The following POLR2I variants were observed in gnomAD, a reference collection of about 807,000 sequenced individuals.
The protein encoded by POLR2I is DNA-directed RNA polymerase II subunit RPB9.
A neutral mutation model predicts 23.0 loss-of-function variants in POLR2I; 15 were observed. That is an observed-to-expected ratio of 0.65 (90% CI 0.44 to 1.00). The LOEUF is 1.00. POLR2I is among the 50% of genes least tolerant of loss of function. The pLI, the probability that POLR2I is intolerant of heterozygous loss-of-function variation, is 0.00. For synonymous variants in POLR2I, 72 were observed against 65.4 expected (o/e 1.10, Z -0.49); for missense variants, 120 against 173.7 (o/e 0.69, Z 1.74).
Position 36,114,140 on chromosome 19 carries a change from C to A in POLR2I, c.263+37G>T. 6.2e-7 allele frequency: 1 copy of A among 1,613,820 alleles called. No homozygotes were observed. The highest frequency in any genetic ancestry group is 1.7e-4 in the Middle Eastern group (1 of 6,060). ...TCCCTTCGCCCAGTGAGGAGACGAG[C>A]CTCACTTTACCTCCCCAGTACCAGC... On this transcript the variant is annotated intron_variant, in intron 4 of 5. Coordinates refer to ENST00000221859, the MANE Select transcript of POLR2I (RefSeq NM_006233.5). This position sits in a 1 kb window ranked among gnomAD's most constrained non-coding sequence, Gnocchi z 4.5.
rs1329991356 is a variant in POLR2I at position 36,114,187 on chromosome 19, G to A, written c.253C>T (p.Pro85Ser). 6.2e-7 allele frequency: 1 copy of A among 1,614,098 alleles called. No homozygotes were observed. The highest frequency in any genetic ancestry group is 8.5e-7 in the Non-Finnish European group (1 of 1,179,998). Residue 85 changes from proline to serine, a missense_variant, in exon 4 of 6, where the codon CCG (proline) becomes TCG (serine). Pro to Ser is a moderately conservative substitution (Grantham distance 74, BLOSUM62 -1). Transcript: ENST00000221859. This position sits in a 1 kb window ranked among gnomAD's most constrained non-coding sequence, Gnocchi z 4.5. ...DPTLPRTEDH[P>S]CQKCGHKEAV... is the part of the protein sequence containing the mutation. ...CAGCTGAACGCTCACTTTTGGCACG[G>A]GTGGTCCTCGGTCCGCGGCAACGTG... is the stretch of plus-strand genomic sequence containing the variant.
intron 5 of POLR2I, 52 bp downstream of exon 5, chr19:36,113,963 C>T: frequency 6.2e-7 from 1 of 1,604,248 alleles, no homozygotes; most frequent in Non-Finnish European, 8.5e-7. Flanking sequence ...TCCCCGCCCC[C>T]AGAAAGGACC....
Position 36,114,566 on chromosome 19 carries a change from A to C in POLR2I, c.114+93T>G, listed in dbSNP as rs1336803104. ...GTCAGGATCACTTGAGGTGCAGCGG[A>C]GGGCGAACAGGGAGTCCGATCACAG... On this transcript the variant is annotated intron_variant, in intron 2 of 5. Coordinates refer to ENST00000221859, the MANE Select transcript of POLR2I (RefSeq NM_006233.5). The surrounding 1 kb of genome is among the most constrained non-coding windows in gnomAD (Gnocchi z 4.5). The C allele has an allele frequency of 1.6e-5, 22 of 1,346,680 alleles. No individual in the cohort carries two copies. Among genetic ancestry groups the C allele is most frequent in the Non-Finnish European group, 1.9e-5 (18 of 950,660 alleles). 83.4% of individuals were successfully genotyped at this position (1,346,680 alleles called of 1,614,324 possible). A position where few individuals can be genotyped will look rare whatever the true frequency, so the allele number is the denominator to read the frequency against.
chr19:36,114,471 G>T lies in POLR2I; in HGVS notation c.115-59C>A, dbSNP rs141686471. On this transcript the variant is annotated intron_variant, in intron 2 of 5. Transcript: ENST00000221859. This position sits in a 1 kb window ranked among gnomAD's most constrained non-coding sequence, Gnocchi z 4.5. Reference sequence around the variant, plus strand: ...ACGGAAGGATTCCAGACAAGATTGGGAGGAGAGGGCAGGGTGATCCCGGAG... The same window carrying T: ...ACGGAAGGATTCCAGACAAGATTGGTAGGAGAGGGCAGGGTGATCCCGGAG... 17 of 1,519,342 alleles carry T rather than the reference G, an allele frequency of 1.1e-5. No individual in the cohort carries two copies. Among genetic ancestry groups the T allele is most frequent in the Non-Finnish European group, 1.4e-5 (15 of 1,094,928 alleles). 94.1% of individuals were successfully genotyped at this position (1,519,342 alleles called of 1,614,324 possible).
At position 36,114,060 on chromosome 19, in the gene POLR2I, G is replaced by A. The variant is rs750447186; in HGVS notation, c.270C>T (p.Gly90=). 4 of 1,613,890 alleles carry A rather than the reference G, an allele frequency of 2.5e-6. No individual in the cohort carries two copies. Among genetic ancestry groups the A allele is most frequent in the African/African-American group, 2.7e-5 (2 of 74,908 alleles). Reference sequence around the variant, plus strand: ...ACTGGAAGAACACAGCCTCCTTGTGGCCGCACCTGAGAGGGTAGGGGCTCG... The same window carrying A: ...ACTGGAAGAACACAGCCTCCTTGTGACCGCACCTGAGAGGGTAGGGGCTCG... ...RTEDHPCQKC[G]HKEAVFFQSH... Residue 90 remains glycine (G), a synonymous_variant, in exon 5 of 6, where the codon GGC becomes GGT. Transcript: ENST00000221859. This position sits in a 1 kb window ranked among gnomAD's most constrained non-coding sequence, Gnocchi z 4.5.
Position 36,113,735 on chromosome 19 carries a change from C to T in POLR2I, c.*20G>A. ...CACGCATGGAATCTGGTGTTTATTA[C>T]ACTCGGGGGAGAGAGGAGGTCACTC... On this transcript the variant is annotated 3_prime_UTR_variant, in exon 6 of 6. Transcript: ENST00000221859. The T allele has an allele frequency of 1.2e-6, 2 of 1,611,986 alleles. No individual in the cohort carries two copies. The highest frequency in any genetic ancestry group is 1.7e-6 in the Non-Finnish European group (2 of 1,179,096).
chr19:36,114,560 C>A lies in POLR2I; in HGVS notation c.114+99G>T. On this transcript the variant is annotated intron_variant, in intron 2 of 5. Transcript: ENST00000221859. This position sits in a 1 kb window ranked among gnomAD's most constrained non-coding sequence, Gnocchi z 4.5. Reference sequence around the variant, plus strand: ...ATGAGAGTCAGGATCACTTGAGGTGCAGCGGAGGGCGAACAGGGAGTCCGA... The same window carrying A: ...ATGAGAGTCAGGATCACTTGAGGTGAAGCGGAGGGCGAACAGGGAGTCCGA... 7.5e-7 allele frequency: 1 copy of A among 1,333,104 alleles called. No homozygotes were observed. The highest frequency in any genetic ancestry group is 1.1e-6 in the Non-Finnish European group (1 of 938,048). 82.6% of individuals were successfully genotyped at this position (1,333,104 alleles called of 1,614,324 possible).
At chr19:36,113,850 T>G (rs1226908102) in intron 5 of POLR2I, 33 bp from the exon 6 acceptor site, 1 of 1,610,510 alleles carries the variant, frequency 6.2e-7, no homozygotes, top group Non-Finnish European at 8.5e-7. Context: ...AGGAAGGATT[T>G]GGACCCAGCA....
Position 36,114,571 on chromosome 19 carries a change from G to A in POLR2I, c.114+88C>T. ...GATCACTTGAGGTGCAGCGGAGGGC[G>A]AACAGGGAGTCCGATCACAGAGGCA... On this transcript the variant is annotated intron_variant, in intron 2 of 5. Coordinates refer to ENST00000221859, the MANE Select transcript of POLR2I (RefSeq NM_006233.5). The surrounding 1 kb of genome is among the most constrained non-coding windows in gnomAD (Gnocchi z 4.5). 1 of 1,382,724 alleles carries A rather than the reference G, an allele frequency of 7.2e-7. No homozygotes were observed. The highest frequency in any genetic ancestry group is 1.0e-6 in the Non-Finnish European group (1 of 983,042). The allele number at this position is 1,382,724 out of a possible 1,614,324, so 85.7% of individuals were successfully genotyped here. A position where few individuals can be genotyped will look rare whatever the true frequency, so the allele number is the denominator to read the frequency against.
Position 36,114,191 on chromosome 19 carries a change from G to A in POLR2I, c.249C>T (p.Asp83=). The A allele has an allele frequency of 6.2e-7, 1 of 1,614,082 alleles. No homozygotes were observed. Among genetic ancestry groups the A allele is most frequent in the South Asian group, 1.1e-5 (1 of 91,074 alleles). Reference sequence around the variant, plus strand: ...TGAACGCTCACTTTTGGCACGGGTGGTCCTCGGTCCGCGGCAACGTGGGGT... The same window carrying A: ...TGAACGCTCACTTTTGGCACGGGTGATCCTCGGTCCGCGGCAACGTGGGGT... ...SQDPTLPRTE[D]HPCQKCGHKE... The change falls in exon 4 of 6, where the codon GAC becomes GAT. Residue 83 remains aspartate, a synonymous_variant. Coordinates refer to ENST00000221859, the MANE Select transcript of POLR2I (RefSeq NM_006233.5). The surrounding 1 kb of genome is among the most constrained non-coding windows in gnomAD (Gnocchi z 4.5).
Position 36,114,365 on chromosome 19 carries a change from A to T in POLR2I, c.162T>A (p.Tyr54Ter), listed in dbSNP as rs751330176. The T allele has an allele frequency of 6.2e-7, 1 of 1,614,096 alleles. No individual in the cohort carries two copies. ...YQQEADNSCI[Y>*]VNKITHEVDE... ...CCACTTCGTGCGTGATCTTGTTGACATAGATGCAGCTGTTGTCGGCCTCCT... is the reference window on the plus strand; with the variant it reads ...CCACTTCGTGCGTGATCTTGTTGACTTAGATGCAGCTGTTGTCGGCCTCCT... Residue 54 changes from tyrosine to a stop codon, truncating the protein, a stop_gained, in exon 3 of 6, where the codon TAT becomes TAA. Transcript: ENST00000221859. LOFTEE classifies it high-confidence loss of function. The surrounding 1 kb of genome is among the most constrained non-coding windows in gnomAD (Gnocchi z 4.5).
At chr19:36,113,923 C>A in intron 5 of POLR2I, 92 bp downstream of exon 5, 3 of 1,578,058 alleles carry the variant, frequency 1.9e-6, no homozygotes, top group Non-Finnish European at 1.7e-6. Context: ...CGGCAGAGTT[C>A]CAAGAAGCGC....
Position 36,114,147 on chromosome 19 carries a change from T to C in POLR2I, c.263+30A>G, listed in dbSNP as rs1211878640. Reference sequence around the variant, plus strand: ...GCCCAGTGAGGAGACGAGCCTCACTTTACCTCCCCAGTACCAGCTGAACGC... The same window carrying C: ...GCCCAGTGAGGAGACGAGCCTCACTCTACCTCCCCAGTACCAGCTGAACGC... On this transcript the variant is annotated intron_variant, in intron 4 of 5. Coordinates refer to ENST00000221859, the MANE Select transcript of POLR2I (RefSeq NM_006233.5). The surrounding 1 kb of genome is among the most constrained non-coding windows in gnomAD (Gnocchi z 4.5). 1.3e-5 allele frequency: 21 copies of C among 1,613,730 alleles called. No individual in the cohort carries two copies. Among genetic ancestry groups the C allele is most frequent in the Non-Finnish European group, 1.6e-5 (19 of 1,179,704 alleles).
At position 36,114,868 on chromosome 19, in the gene POLR2I, G is replaced by A. The variant is rs373082247; in HGVS notation, c.-12C>T. The stretch of plus-strand genomic sequence containing the variant: ...CCGTCGGGCTCCATGGCGACGCGCA[G>A]CCCGCGCAGCCCTCCCAGCCTTCCG... On this transcript the variant is annotated 5_prime_UTR_variant, in exon 1 of 6. Coordinates refer to ENST00000221859, the MANE Select transcript of POLR2I (RefSeq NM_006233.5). This position sits in a 1 kb window ranked among gnomAD's most constrained non-coding sequence, Gnocchi z 4.5. 111 of 1,612,304 alleles carry A rather than the reference G, an allele frequency of 6.9e-5. No homozygotes were observed. Among genetic ancestry groups the A allele is most frequent in the Non-Finnish European group, 8.9e-5 (105 of 1,179,606 alleles).
chr19:36,113,965 G>A (rs769998670), intron 5 of POLR2I, 50 bp downstream of exon 5: 203 of 1,605,144 alleles, frequency 1.3e-4, no homozygotes, highest in Non-Finnish European at 1.7e-4. Flanking sequence ...CCCGCCCCCA[G>A]AAAGGACCAA....
rs1184833474 is a variant in POLR2I, at chr19:36,114,659, C to T, written c.114G>A (p.Ala38=). Residue 38 remains alanine (A), a splice_region_variant and synonymous_variant, in exon 2 of 6, where the codon GCG becomes GCA. Transcript: ENST00000221859. This position sits in a 1 kb window ranked among gnomAD's most constrained non-coding sequence, Gnocchi z 4.5. ...EDKENRILLY[A]CRNCDYQQEA... ...TGCCGGGGAAGACCCCGGCGCTCAC[C>T]GCGTAGAGCAGAATGCGGTTCTCCT... 1.2e-6 allele frequency: 2 copies of T among 1,605,578 alleles called. No homozygotes were observed. Among genetic ancestry groups the T allele is most frequent in the African/African-American group, 1.3e-5 (1 of 74,922 alleles).
In POLR2I at chr19:36,114,504, C is replaced by T. The variant is rs1464615211; in HGVS notation, c.115-92G>A. 2 of 1,364,056 alleles carry T rather than the reference C, an allele frequency of 1.5e-6. No homozygotes were observed. The highest frequency in any genetic ancestry group is 2.8e-5 in the African/African-American group (2 of 70,240). 84.5% of individuals were successfully genotyped at this position (1,364,056 alleles called of 1,614,324 possible). On this transcript the variant is annotated intron_variant, in intron 2 of 5. Transcript: ENST00000221859. The surrounding 1 kb of genome is among the most constrained non-coding windows in gnomAD (Gnocchi z 4.5). ...GGCAGGGTGATCCCGGAGGATATGA[C>T]GACAGGACTCTCTTTGGGGATGGGC...
chr19:36,114,290 A>C lies in POLR2I; in HGVS notation c.189-39T>G, dbSNP rs1944994360. 1 of 1,612,776 alleles carries C rather than the reference A, an allele frequency of 6.2e-7. No individual in the cohort carries two copies. The highest frequency in any genetic ancestry group is 8.5e-7 in the Non-Finnish European group (1 of 1,179,406). On this transcript the variant is annotated intron_variant, in intron 3 of 5. Transcript: ENST00000221859. The surrounding 1 kb of genome is among the most constrained non-coding windows in gnomAD (Gnocchi z 4.5). ...GGGGTGCAAAATTACGCTCAGACCCAGCCTCCAGAGCCAACACCCCCGCCC... is the reference window on the plus strand; with the variant it reads ...GGGGTGCAAAATTACGCTCAGACCCCGCCTCCAGAGCCAACACCCCCGCCC...
chr19:36,114,425 G>T lies in POLR2I; in HGVS notation c.115-13C>A. 1 of 1,612,194 alleles carries T rather than the reference G, an allele frequency of 6.2e-7. No homozygotes were observed. On this transcript the variant is annotated splice_polypyrimidine_tract_variant and intron_variant, in intron 2 of 5. Coordinates refer to ENST00000221859, the MANE Select transcript of POLR2I (RefSeq NM_006233.5). This position sits in a 1 kb window ranked among gnomAD's most constrained non-coding sequence, Gnocchi z 4.5. Reference sequence around the variant, plus strand: ...CACAGTTCCGGCACTACGAGAGGGCGAGTGTGGGGGAAAGGGGGTCACGGA... The same window carrying T: ...CACAGTTCCGGCACTACGAGAGGGCTAGTGTGGGGGAAAGGGGGTCACGGA...
Sources: gnomAD v4.1 joint callset for allele counts on GRCh38, gnomAD v4.1.1 for gene constraint, Gnocchi (gnomAD v3.1) non-coding constraint, MANE v1.5 for transcripts, NCBI Gene and HGNC (gene_info 2026-07-23, HGNC 2026-07-21) for gene names.